Variants in TENT4A observed in about 807,000 individuals in gnomAD.
TENT4A encodes the protein DNA polymerase kappa.
Under a neutral mutation model 72.8 loss-of-function variants are expected in TENT4A, and 7 were observed. The observed-to-expected ratio is 0.10, with a 90% CI of 0.05 to 0.18. The LOEUF (loss-of-function observed/expected upper bound fraction) is 0.18. Among genes scored for constraint, TENT4A ranks in the 10% least tolerant of loss-of-function variants. The pLI is 1.00. For synonymous variants in TENT4A, 456 were observed against 434.3 expected, an observed-to-expected ratio of 1.05 and a Z score of -0.62; for missense variants, 831 against 1,017.7, an observed-to-expected ratio of 0.82 and a Z score of 2.50.
rs144135037 is a variant in TENT4A at position 6,718,969 on chromosome 5, G to GA, written c.716+4283dup. 1.0e-2 allele frequency among the ~76,000 whole-genome samples: 1,398 copies of GA among 139,824 alleles called. 14 individuals carry two copies. Among genetic ancestry groups the GA allele is most frequent in the African/African-American group, 0.03 (1,170 of 38,434 alleles). The allele number at this position is 139,824 out of a possible 152,430, so 91.7% of individuals were successfully genotyped here. Reference sequence around the variant, plus strand: ...TGAGAGGCCTCCAATCTTTTCGCAGGAAAAAAAAAAAAAGGCTTAATGCTC... The same window carrying GA: ...TGAGAGGCCTCCAATCTTTTCGCAGGAAAAAAAAAAAAAAGGCTTAATGCTC... On this transcript the variant is annotated intron_variant, in intron 1 of 12. Coordinates refer to ENST00000230859, the MANE Select transcript of TENT4A (RefSeq NM_006999.6).
chr5:6,720,288 T>G (rs1483764377), intron 1 of TENT4A, among the ~76,000 whole-genome samples: 1 of 151,892 alleles, frequency 6.6e-6, no homozygotes, highest in Non-Finnish European at 1.5e-5. Context: ...TTCCAAGGAG[T>G]AGGGTGTAGG....
Position 6,713,966 on chromosome 5 carries a change from C to CGCGGGG in TENT4A, c.-13_-8dup. On this transcript the variant is annotated 5_prime_UTR_variant, in exon 1 of 13. Transcript: ENST00000230859. ...TCGGGGCGGGCGGGCGCGCGGGCCC[C>CGCGGGG]GCGGGGGCGGCGCGTGGATGGATCC... 1.0e-6 allele frequency: 1 copy of CGCGGGG among 968,260 alleles called. No individual in the cohort carries two copies. The highest frequency in any genetic ancestry group is 1.2e-6 in the Non-Finnish European group (1 of 817,280). 60.0% of individuals were successfully genotyped at this position (968,260 alleles called of 1,614,324 possible). A position where few individuals can be genotyped will look rare whatever the true frequency, so the allele number is the denominator to read the frequency against.
At chr5:6,746,643 AAAG>A (rs1289496383) in intron 7 of TENT4A, among the ~76,000 whole-genome samples, 2 of 152,134 alleles carry the variant, frequency 1.3e-5, no homozygotes, top group Admixed American at 6.5e-5. Context: ...ATTCTATAAT[AAAG>A]AAGAATTAAG....
chr5:6,729,778 TGTGTGC>T (rs1741113981), intron 1 of TENT4A, among the ~76,000 whole-genome samples: 1 of 152,132 alleles, frequency 6.6e-6, no homozygotes, highest in Admixed American at 6.5e-5. Flanking sequence ...TTTTTGTGTG[TGTGTGC>T]TGAGCTGGGT....
chr5:6,747,128 A>G (rs1742147369), intron 7 of TENT4A, among the ~76,000 whole-genome samples: 1 of 152,218 alleles, frequency 6.6e-6, no homozygotes, highest in Non-Finnish European at 1.5e-5. Context: ...ATTGCTATTT[A>G]TGAATTCCAC....
chr5:6,752,798 G>T (rs1742481342), intron 11 of TENT4A, 75 bp from the exon 12 acceptor site: 7 of 1,355,514 alleles, frequency 5.2e-6, no homozygotes, highest in Admixed American at 1.8e-5. Context: ...CCCTTTGGTG[G>T]TGCTGAGCTT....
intron 11 of TENT4A, among the ~76,000 whole-genome samples, chr5:6,752,496 C>T (rs568745856): frequency 2.6e-5 from 4 of 152,356 alleles, no homozygotes; most frequent in East Asian, 3.9e-4. Flanking sequence ...AGCCGTCCCA[C>T]GGCCTCTCAG....
At chr5:6,733,648 C>T (rs1348553560) in intron 1 of TENT4A, among the ~76,000 whole-genome samples, 1 of 152,210 alleles carries the variant, frequency 6.6e-6, no homozygotes, top group Non-Finnish European at 1.5e-5. Flanking sequence ...TAAGACTAAA[C>T]TTATTTCTAT....
At position 6,713,644 on chromosome 5, in the gene TENT4A, G is replaced by T; in HGVS notation, c.-340G>T. The T allele has an allele frequency of 6.8e-6, 1 of 146,074 alleles. No individual in the cohort carries two copies. The highest frequency in any genetic ancestry group is 1.8e-4 in the South Asian group (1 of 5,594). 9.0% of individuals were successfully genotyped at this position (146,074 alleles called of 1,614,324 possible). A position where few individuals can be genotyped will look rare whatever the true frequency, so the allele number is the denominator to read the frequency against. On this transcript the variant is annotated 5_prime_UTR_variant, in exon 1 of 13. Coordinates refer to ENST00000230859, the MANE Select transcript of TENT4A (RefSeq NM_006999.6). ...ATGGCCTCTCCCCGCGGCCCGAGTG[G>T]AACGCCGCCGCCGCCGCGGCCCCCG...
chr5:6,733,218 C>T (rs1388244592), intron 1 of TENT4A, among the ~76,000 whole-genome samples: 3 of 152,252 alleles, frequency 2.0e-5, no homozygotes, highest in African/African-American at 7.2e-5. Flanking sequence ...CCCTAAGAAG[C>T]CTCCTGGGAA....
At chr5:6,715,769 A>T (rs1424190734) in intron 1 of TENT4A, among the ~76,000 whole-genome samples, 1 of 152,180 alleles carries the variant, frequency 6.6e-6, no homozygotes, top group Non-Finnish European at 1.5e-5. Context: ...AAAGCGTGTG[A>T]TACACTGTAA....
At chr5:6,717,988 G>C (rs750647732) in intron 1 of TENT4A, among the ~76,000 whole-genome samples, 6 of 152,248 alleles carry the variant, frequency 3.9e-5, no homozygotes, top group Non-Finnish European at 8.8e-5. Context: ...GAGGACACAT[G>C]CAGGTGTCCC....
rs137922612 is a variant in TENT4A at position 6,716,934 on chromosome 5, G to A, written c.716+2235G>A. 3.3e-3 allele frequency among the ~76,000 whole-genome samples: 505 copies of A among 152,292 alleles called. 18 individuals carry two copies. In the South Asian group the frequency reaches 0.061, roughly 18 times the overall value. On this transcript the variant is annotated intron_variant, in intron 1 of 12. Transcript: ENST00000230859. ...GCCTTGGGTGCATCCGCTTCCTGCC[G>A]TCTCTGCCCAAAGGGGCCTGTGAGG... is the stretch of plus-strand genomic sequence containing the variant.
rs147489333 is a variant in TENT4A, at chr5:6,754,839, G to A, written c.2273G>A (p.Arg758Gln). ...GYSSVGSGGVRPPVGNRGHHQ... is the reference protein window; with the variant it reads ...GYSSVGSGGVQPPVGNRGHHQ... ...AGCTCTGTGGGTAGCGGAGGTGTGC[G>A]GCCCCCTGTGGGCAACAGGGGACAC... The change falls in exon 13 of 13, where the codon CGG (arginine) becomes CAG (glutamine). Residue 758 changes from arginine to glutamine, a missense_variant. Around this residue, in one of 3 missense-constraint regions of TENT4A, gnomAD observed 332 missense variants for 324.3 expected, o/e 1.02. Transcript: ENST00000230859. The A allele has an allele frequency of 1.4e-5, 23 of 1,609,732 alleles. 1 individual carries two copies. Among genetic ancestry groups the A allele is most frequent in the African/African-American group, 4.0e-5 (3 of 74,864 alleles).
intron 1 of TENT4A, among the ~76,000 whole-genome samples, chr5:6,717,618 T>G (rs1740452010): frequency 1.3e-5 from 2 of 152,264 alleles, no homozygotes; most frequent in South Asian, 4.1e-4. Context: ...ATGCTTCTTT[T>G]GGCTCTGGTT....
In TENT4A at chr5:6,739,713, G is replaced by T. The variant is rs753946332; in HGVS notation, c.888-19G>T. The T allele has an allele frequency of 6.2e-7, 1 of 1,613,128 alleles. No individual in the cohort carries two copies. The highest frequency in any genetic ancestry group is 1.3e-5 in the African/African-American group (1 of 74,908). ...TGTGGCGAGGGGAGCAGTGGCTGACGTGCGTTTTCTTCTGTCAGCGACATA... is the reference window on the plus strand; with the variant it reads ...TGTGGCGAGGGGAGCAGTGGCTGACTTGCGTTTTCTTCTGTCAGCGACATA... On this transcript the variant is annotated intron_variant, in intron 3 of 12. Coordinates refer to ENST00000230859, the MANE Select transcript of TENT4A (RefSeq NM_006999.6).
At chr5:6,740,488 G>T (rs1741742458) in intron 4 of TENT4A, among the ~76,000 whole-genome samples, 2 of 152,186 alleles carry the variant, frequency 1.3e-5, no homozygotes, top group African/African-American at 2.4e-5. Context: ...TTAAATTTGT[G>T]TGTCAACTTG....
intron 5 of TENT4A, 33 bp downstream of exon 5, chr5:6,742,630 T>A (rs1741864662): frequency 1.5e-6 from 2 of 1,290,854 alleles, no homozygotes. Context: ...GCGGCGAGAG[T>A]GCAGGACTGG....
chr5:6,745,345 G>A (rs773570495), intron 6 of TENT4A, among the ~76,000 whole-genome samples: 5 of 152,092 alleles, frequency 3.3e-5, no homozygotes, highest in African/African-American at 4.8e-5. Flanking sequence ...TTCAAGCACC[G>A]TGCTTCTCTG....
Sources: gnomAD v4.1 joint callset for allele counts (sites outside exome capture counted in the v4.1 genomes callset) on GRCh38, gnomAD v4.1.1 for gene constraint, gnomAD v4.1.1 regional missense constraint, MANE v1.5 for transcripts, NCBI Gene and HGNC (gene_info 2026-07-23, HGNC 2026-07-21) for gene names.